XIRP2: variants seen among roughly 807,000 people sequenced by gnomAD.
The protein encoded by XIRP2 is xin actin-binding repeat-containing protein 2.
Under a neutral mutation model 277.0 loss-of-function variants are expected in XIRP2, and 236 were observed. That is an observed-to-expected ratio of 0.85 (90% CI 0.77 to 0.95). The LOEUF is 0.95. Among genes scored for constraint, XIRP2 ranks in the 40% least tolerant of loss-of-function variants. The pLI is 0.00. For synonymous variants in XIRP2, 1,490 were observed against 1,416.5 expected (o/e 1.05, Z -1.17); for missense variants, 4,640 against 4,157.5 (o/e 1.12, Z -3.19).
At chr2:167,027,983 A>C (rs1688221812) in intron 2 of XIRP2, among the ~76,000 whole-genome samples, 1 of 152,074 alleles carries the variant, frequency 6.6e-6, no homozygotes, top group Non-Finnish European at 1.5e-5. Flanking sequence ...ACACTGCAGG[A>C]GGAAAACAAA....
In XIRP2 at chr2:167,246,910, G is replaced by T; in HGVS notation, c.5518G>T (p.Asp1840Tyr). The T allele has an allele frequency of 6.2e-7, 1 of 1,613,284 alleles. No homozygotes were observed. Among genetic ancestry groups the T allele is most frequent in the Non-Finnish European group, 8.5e-7 (1 of 1,179,804 alleles). ...KIPKEEIIKG[D>Y]LTSTLNSLSQ... ...ACCCAAAGAAGAGATTATAAAAGGT[G>T]ATTTGACATCAACCCTAAATTCCCT... The change falls in exon 9 of 11, where the codon GAT (aspartate) becomes TAT (tyrosine). Residue 1840 changes from aspartate to tyrosine, a missense_variant. Transcript: ENST00000409195.
chr2:166,917,653 G>T (rs1316448649), intron 2 of XIRP2, among the ~76,000 whole-genome samples: 2 of 151,978 alleles, frequency 1.3e-5, no homozygotes, highest in African/African-American at 2.4e-5. Context: ...ACCATACAAG[G>T]ATGTTAAGCA....
intron 2 of XIRP2, among the ~76,000 whole-genome samples, chr2:167,014,431 G>A (rs1297723464): frequency 6.6e-6 from 1 of 151,606 alleles, no homozygotes; most frequent in East Asian, 1.9e-4. Context: ...AATACAATTC[G>A]ATATAAAGGA....
chr2:167,078,484 T>C (rs922115040), intron 2 of XIRP2, among the ~76,000 whole-genome samples: 1 of 152,182 alleles, frequency 6.6e-6, no homozygotes, highest in Non-Finnish European at 1.5e-5. Context: ...CTGCTTGCTC[T>C]GGATGGGACT....
chr2:167,044,671 A>G (rs1688744452), intron 2 of XIRP2, among the ~76,000 whole-genome samples: 2 of 152,130 alleles, frequency 1.3e-5, no homozygotes, highest in Middle Eastern at 3.2e-3. Flanking sequence ...TCTATTTACA[A>G]TAACCACAAA....
intron 2 of XIRP2, among the ~76,000 whole-genome samples, chr2:166,943,160 A>C (rs1305391496): frequency 6.6e-6 from 1 of 152,180 alleles, no homozygotes; most frequent in African/African-American, 2.4e-5. Flanking sequence ...CATGTAAGAA[A>C]AGTAAGAAAA....
intron 3 of XIRP2, among the ~76,000 whole-genome samples, chr2:167,163,790 CATGTAAATCTATGATCT>C (rs1282098974): frequency 6.6e-6 from 1 of 152,130 alleles, no homozygotes; most frequent in African/African-American, 2.4e-5. Context: ...TTAGGTTTTA[CATGTAAATCTATGATCT>C]ATGTTGAATT....
chr2:166,969,970 A>G (rs961332263), intron 2 of XIRP2, among the ~76,000 whole-genome samples: 1 of 152,022 alleles, frequency 6.6e-6, no homozygotes. Flanking sequence ...AGTTTCATGA[A>G]CCATTAGCAT....
At chr2:167,171,955 A>C (rs75750952) in intron 3 of XIRP2, among the ~76,000 whole-genome samples, 1 of 152,148 alleles carries the variant, frequency 6.6e-6, no homozygotes, top group Non-Finnish European at 1.5e-5. Context: ...AAATAGGTGT[A>C]TATATTTACG....
intron 2 of XIRP2, among the ~76,000 whole-genome samples, chr2:167,095,682 T>A (rs1401931543): frequency 6.6e-6 from 1 of 152,010 alleles, no homozygotes; most frequent in Non-Finnish European, 1.5e-5. Flanking sequence ...TCATGGTGGA[T>A]AAGATTTTTA....
chr2:167,243,240 T>C lies in XIRP2; in HGVS notation c.1848T>C (p.Tyr616=), dbSNP rs578147366. Residue 616 remains tyrosine (Y), a synonymous_variant, in exon 9 of 11, where the codon TAT becomes TAC. Transcript: ENST00000409195. ...QEIIAGGDVK[Y]TTWMFETQPI... is the part of the protein sequence containing the mutation. ...TCATTGCTGGTGGTGATGTGAAATA[T>C]ACCACATGGATGTTTGAAACCCAAC... The C allele has an allele frequency of 1.2e-6, 2 of 1,614,120 alleles. No individual in the cohort carries two copies. Among genetic ancestry groups the C allele is most frequent in the East Asian group, 2.2e-5 (1 of 44,842 alleles).
At chr2:167,131,690 G>T (rs1691382206) in intron 2 of XIRP2, among the ~76,000 whole-genome samples, 1 of 152,068 alleles carries the variant, frequency 6.6e-6, no homozygotes, top group Non-Finnish European at 1.5e-5. Context: ...TTCAAGGCTT[G>T]GTTCTGGACT....
At chr2:167,101,047 G>A (rs937244737) in intron 2 of XIRP2, among the ~76,000 whole-genome samples, 3 of 151,982 alleles carry the variant, frequency 2.0e-5, no homozygotes, top group Non-Finnish European at 4.4e-5. Context: ...TCTTTTGAAC[G>A]TTGAGAGTTT....
chr2:167,072,229 T>G (rs1425595390), intron 2 of XIRP2, among the ~76,000 whole-genome samples: 1 of 152,146 alleles, frequency 6.6e-6, no homozygotes, highest in Non-Finnish European at 1.5e-5. Flanking sequence ...GAAAGTAACA[T>G]TTTGCCTCTC....
At chr2:167,054,821 A>G (rs750209350) in intron 2 of XIRP2, among the ~76,000 whole-genome samples, 5 of 152,194 alleles carry the variant, frequency 3.3e-5, no homozygotes, top group Non-Finnish European at 7.4e-5. Flanking sequence ...TCTCTCTCTC[A>G]TATTCATGTA....
At chr2:167,215,464 G>A (rs1453308871) in intron 4 of XIRP2, among the ~76,000 whole-genome samples, 5 of 152,126 alleles carry the variant, frequency 3.3e-5, no homozygotes, top group Non-Finnish European at 5.9e-5. Flanking sequence ...CCTAATATTA[G>A]TCTATAATAT....
At chr2:167,116,082 G>T (rs1460851882) in intron 2 of XIRP2, among the ~76,000 whole-genome samples, 1 of 152,112 alleles carries the variant, frequency 6.6e-6, no homozygotes, top group African/African-American at 2.4e-5. Context: ...TACATTCCAA[G>T]GACACTTGAA....
intron 5 of XIRP2, among the ~76,000 whole-genome samples, chr2:167,237,172 T>C (rs1309227973): frequency 6.6e-6 from 1 of 152,222 alleles, no homozygotes; most frequent in Non-Finnish European, 1.5e-5. Context: ...TTATTTTGTG[T>C]CATCTCCTAC....
In XIRP2 at chr2:167,244,584, T is replaced by A; in HGVS notation, c.3192T>A (p.Leu1064=). The change falls in exon 9 of 11, where the codon CTT becomes CTA. Residue 1064 remains leucine (L), a synonymous_variant. Transcript: ENST00000409195. ...AATGGTTGTTTGAAACCCAACCTCT[T>A]GATTCAATTAAATATTTTAGTGATG... ...SAKWLFETQP[L]DSIKYFSDVE... 6.2e-7 allele frequency: 1 copy of A among 1,612,670 alleles called. No individual in the cohort carries two copies. The highest frequency in any genetic ancestry group is 8.5e-7 in the Non-Finnish European group (1 of 1,179,440).
Sources: allele counts gnomAD v4.1 joint callset (sites outside exome capture counted in the v4.1 genomes callset), GRCh38; gene constraint gnomAD v4.1.1; transcripts MANE v1.5; gene names NCBI Gene and HGNC (gene_info 2026-07-23, HGNC 2026-07-21).